Variants in EPHA8 observed in about 807,000 individuals in gnomAD.
EPHA8 encodes EPH receptor A8.
Under a neutral mutation model 103.6 loss-of-function variants are expected in EPHA8, and 58 were observed. That is an observed-to-expected ratio of 0.56 (90% CI 0.45 to 0.70). The LOEUF (loss-of-function observed/expected upper bound fraction) is 0.70. Ranked by LOEUF, EPHA8 falls within the 30% of genes least tolerant of loss-of-function variation. The pLI is 0.00. For missense variants in EPHA8, 1,304 were observed against 1,395.2 expected (o/e 0.93, Z 1.04); for synonymous variants, 559 against 572.5 (o/e 0.98, Z 0.34).
chr1:22,577,374 G>A (rs970358361), intron 3 of EPHA8, among the ~76,000 whole-genome samples: 5 of 152,170 alleles, frequency 3.3e-5, no homozygotes, highest in Non-Finnish European at 7.3e-5. Flanking sequence ...CATGCAGCTG[G>A]GGATGGCAGA....
At position 22,569,672 on chromosome 1, in the gene EPHA8, C is replaced by G. The variant is rs1640467423; in HGVS notation, c.159+319C>G. On this transcript the variant is annotated intron_variant, in intron 2 of 16. Transcript: ENST00000166244. This position sits in a 1 kb window ranked among gnomAD's most constrained non-coding sequence, Gnocchi z 4.5. The stretch of plus-strand genomic sequence containing the variant: ...ACTAAAGAAGGCCAGCCAGGCCTTC[C>G]TGCCTTCTGGGTTGCTCCCTCCCTC... Among the ~76,000 whole-genome samples, 1 of 152,170 alleles carries G rather than the reference C, an allele frequency of 6.6e-6. No homozygotes were observed. Among genetic ancestry groups the G allele is most frequent in the East Asian group, 1.9e-4 (1 of 5,178 alleles).
chr1:22,581,178 C>T (rs1427255781), intron 3 of EPHA8, among the ~76,000 whole-genome samples: 2 of 152,170 alleles, frequency 1.3e-5, no homozygotes, highest in Non-Finnish European at 2.9e-5. Context: ...GATCTGATCC[C>T]AGGTTGCCTG....
Position 22,597,141 on chromosome 1 carries a change from G to T in EPHA8, c.1766-171G>T, listed in dbSNP as rs1003917554. 3.3e-5 allele frequency among the ~76,000 whole-genome samples: 5 copies of T among 152,160 alleles called. No individual in the cohort carries two copies. The highest frequency in any genetic ancestry group is 4.8e-5 in the African/African-American group (2 of 41,444). On this transcript the variant is annotated intron_variant, in intron 9 of 16. Transcript: ENST00000166244. This position sits in a 1 kb window ranked among gnomAD's most constrained non-coding sequence, Gnocchi z 4.6. The stretch of plus-strand genomic sequence containing the variant: ...ATAGAAACCCCAGAGCGACTCCAGA[G>T]ACCCCACTTTCACTTGGGAAATACT...
rs958131624 is a variant in EPHA8 at position 22,566,276 on chromosome 1, C to T, written c.94+2547C>T. ...CCAAGGCATTCAGAATCCTGGCTGA[C>T]GTCCCCTGGCCACCCCGAATTCTCC... On this transcript the variant is annotated intron_variant, in intron 1 of 16. Coordinates refer to ENST00000166244, the MANE Select transcript of EPHA8 (RefSeq NM_020526.5). 4.6e-5 allele frequency among the ~76,000 whole-genome samples: 7 copies of T among 152,352 alleles called. No homozygotes were observed. The East Asian group carries it at 9.6e-4, about 21-fold the overall frequency.
chr1:22,584,632 A>T (rs964561406), intron 3 of EPHA8, among the ~76,000 whole-genome samples: 3 of 152,096 alleles, frequency 2.0e-5, no homozygotes, highest in Non-Finnish European at 2.9e-5. Flanking sequence ...GTTTTCCAGA[A>T]CAGGATTTAG....
Position 22,597,457 on chromosome 1 carries a change from C to A in EPHA8, c.1911C>A (p.Ile637=), listed in dbSNP as rs774864430. ...AGATCGAGGCCTCTAGGATCCACAT[C>A]GAGAAAATCATCGGCTCTGGTGAGT... ...TREIEASRIH[I]EKIIGSGDSG... The change falls in exon 10 of 17, where the codon ATC becomes ATA. Residue 637 remains isoleucine, a synonymous_variant. Coordinates refer to ENST00000166244, the MANE Select transcript of EPHA8 (RefSeq NM_020526.5). The surrounding 1 kb of genome is among the most constrained non-coding windows in gnomAD (Gnocchi z 4.6). The A allele has an allele frequency of 1.4e-5, 22 of 1,613,162 alleles. No individual in the cohort carries two copies. Among genetic ancestry groups the A allele is most frequent in the Admixed American group, 3.3e-5 (2 of 59,988 alleles).
At chr1:22,596,737 C>T (rs1002787510) in intron 9 of EPHA8, among the ~76,000 whole-genome samples, 2 of 151,952 alleles carry the variant, frequency 1.3e-5, no homozygotes, top group Non-Finnish European at 2.9e-5. Context: ...TCTCAGCTCA[C>T]TGCAACCTCT....
In EPHA8 at chr1:22,602,265, G is replaced by A. The variant is rs551860571; in HGVS notation, c.*524G>A. 5.4e-4 allele frequency: 93 copies of A among 171,644 alleles called. No individual in the cohort carries two copies. The highest frequency in any genetic ancestry group is 3.8e-3 in the Admixed American group (60 of 15,796). 10.6% of individuals were successfully genotyped at this position (171,644 alleles called of 1,614,324 possible). Reference sequence around the variant, plus strand: ...TGAGCAGGGAACTCAGTGTGACACCGCCAGGTCCAGCACCCATGGGGGCGG... The same window carrying A: ...TGAGCAGGGAACTCAGTGTGACACCACCAGGTCCAGCACCCATGGGGGCGG... On this transcript the variant is annotated 3_prime_UTR_variant, in exon 17 of 17. Transcript: ENST00000166244.
chr1:22,565,448 C>A (rs191291665), intron 1 of EPHA8, among the ~76,000 whole-genome samples: 1 of 152,250 alleles, frequency 6.6e-6, no homozygotes, highest in East Asian at 1.9e-4. Flanking sequence ...ATCTAAGAGG[C>A]CTTGGGGCCC....
In EPHA8 at chr1:22,596,185, G is replaced by A. The variant is rs1187757475; in HGVS notation, c.1765+12G>A. 1.2e-6 allele frequency: 2 copies of A among 1,613,358 alleles called. No individual in the cohort carries two copies. Among genetic ancestry groups the A allele is most frequent in the East Asian group, 2.2e-5 (1 of 44,872 alleles). ...TCAGAATGGACAGGGTGAGTGCAGGGGCCCGGTGGTCTGGGGCAGAGGGAA... is the reference window on the plus strand; with the variant it reads ...TCAGAATGGACAGGGTGAGTGCAGGAGCCCGGTGGTCTGGGGCAGAGGGAA... On this transcript the variant is annotated intron_variant, in intron 9 of 16. Coordinates refer to ENST00000166244, the MANE Select transcript of EPHA8 (RefSeq NM_020526.5).
intron 3 of EPHA8, among the ~76,000 whole-genome samples, chr1:22,579,345 G>T (rs1044464533): frequency 2.2e-5 from 3 of 136,316 alleles, no homozygotes; most frequent in African/African-American, 9.6e-5. Flanking sequence ...GTGCATGAGT[G>T]TATGTATGCG....
chr1:22,586,632 A>G lies in EPHA8; in HGVS notation c.976A>G (p.Thr326Ala). 6.2e-7 allele frequency: 1 copy of G among 1,613,386 alleles called. No individual in the cohort carries two copies. The highest frequency in any genetic ancestry group is 8.5e-7 in the Non-Finnish European group (1 of 1,179,716). ...AALDPPSSAC[T>A]RPPSAPVNLI... ...CCTGGACCCGCCGTCCTCAGCCTGC[A>G]CCCGTGAGTACCACTCCGAGATGCC... The change falls in exon 4 of 17, where the codon ACC (threonine) becomes GCC (alanine). Residue 326 changes from threonine to alanine, a missense_variant. Coordinates refer to ENST00000166244, the MANE Select transcript of EPHA8 (RefSeq NM_020526.5).
rs1570040702 is a variant in EPHA8, at chr1:22,600,880, A to C, written c.2539-18A>C. The C allele has an allele frequency of 5.0e-6, 8 of 1,595,414 alleles. No homozygotes were observed. In the East Asian group the frequency reaches 1.8e-4, roughly 36 times the overall value. On this transcript the variant is annotated intron_variant, in intron 14 of 16. Coordinates refer to ENST00000166244, the MANE Select transcript of EPHA8 (RefSeq NM_020526.5). Reference sequence around the variant, plus strand: ...GGTGCAGGGAGGGACGGCTGAGCCCAGCGCTGATCCCCTGCAGGTCATCAG... The same window carrying C: ...GGTGCAGGGAGGGACGGCTGAGCCCCGCGCTGATCCCCTGCAGGTCATCAG...
intron 3 of EPHA8, among the ~76,000 whole-genome samples, chr1:22,578,386 A>C (rs111161985): frequency 0.019 from 2,077 of 111,026 alleles, 42 homozygotes; most frequent in African/African-American, 0.068. Flanking sequence ...TAGTATATGT[A>C]TGCATGTCTG....
chr1:22,599,143 G>A, intron 13 of EPHA8, 96 bp downstream of exon 13: 1 of 1,382,962 alleles, frequency 7.2e-7, no homozygotes, highest in East Asian at 2.5e-5. Flanking sequence ...GCTGAATGAA[G>A]TTGGCAGTTT....
At chr1:22,579,732 G>A (rs1640987502) in intron 3 of EPHA8, among the ~76,000 whole-genome samples, 1 of 152,178 alleles carries the variant, frequency 6.6e-6, no homozygotes, top group African/African-American at 2.4e-5. Flanking sequence ...GGACAGAGGA[G>A]GTGAAAGGGA....
intron 3 of EPHA8, among the ~76,000 whole-genome samples, chr1:22,579,071 GTGTGCA>G (rs1191137161): frequency 1.6e-5 from 2 of 128,318 alleles, no homozygotes; most frequent in Admixed American, 1.5e-4. Flanking sequence ...GTATGCATGT[GTGTGCA>G]TGTGTACGTG....
At chr1:22,593,880 T>G (rs1210296982) in intron 7 of EPHA8, among the ~76,000 whole-genome samples, 194 bp downstream of exon 7, 1 of 152,258 alleles carries the variant, frequency 6.6e-6, no homozygotes, top group Non-Finnish European at 1.5e-5. Flanking sequence ...CCACCCAGGC[T>G]GGAGTGCAGT....
At position 22,593,412 on chromosome 1, in the gene EPHA8, G is replaced by A. The variant is rs932518395; in HGVS notation, c.1402G>A (p.Gly468Ser). Residue 468 changes from glycine to serine, a missense_variant, in exon 6 of 17, where the codon GGC becomes AGC. Coordinates refer to ENST00000166244, the MANE Select transcript of EPHA8 (RefSeq NM_020526.5). ...LLWQEPEQPN[G>S]IILEYEIKYY... Reference sequence around the variant, plus strand: ...GTGGCAGGAGCCCGAGCAGCCGAACGGCATCATCCTGGAGTATGAGATCAA... The same window carrying A: ...GTGGCAGGAGCCCGAGCAGCCGAACAGCATCATCCTGGAGTATGAGATCAA... 1.2e-6 allele frequency: 2 copies of A among 1,601,332 alleles called. No homozygotes were observed. Among genetic ancestry groups the A allele is most frequent in the Non-Finnish European group, 1.7e-6 (2 of 1,175,070 alleles).
Sources: gnomAD v4.1 joint callset for allele counts (sites outside exome capture counted in the v4.1 genomes callset) on GRCh38, gnomAD v4.1.1 for gene constraint, Gnocchi (gnomAD v3.1) non-coding constraint, MANE v1.5 for transcripts, NCBI Gene and HGNC (gene_info 2026-07-23, HGNC 2026-07-21) for gene names.